SNAPC4: variants seen among roughly 807,000 people sequenced by gnomAD.
The protein encoded by SNAPC4 is snRNA-activating protein complex subunit 4.
In SNAPC4, 127 loss-of-function variants were observed where a neutral mutation model predicts 151.3. The observed-to-expected ratio is 0.84, with a 90% CI of 0.73 to 0.97. The LOEUF is 0.97. SNAPC4 is among the 50% of genes least tolerant of loss of function. The pLI is 0.00. For missense variants in SNAPC4, 2,186 were observed against 1,935.0 expected (o/e 1.13, Z -2.43); for synonymous variants, 1,002 against 824.4 (o/e 1.22, Z -3.69).
intron 14 of SNAPC4, 37 bp from the exon 15 acceptor site, chr9:136,384,069 A>C: frequency 6.4e-7 from 1 of 1,573,632 alleles, no homozygotes; most frequent in Non-Finnish European, 8.7e-7. Flanking sequence ...GCCTTCATCC[A>C]AAGATTCTTC....
rs763522768 is a variant in SNAPC4 at position 136,383,664 on chromosome 9, T to C, written c.1505A>G (p.Lys502Arg). Residue 502 changes from lysine to arginine, a missense_variant, in exon 16 of 24, where the codon AAG becomes AGG. Transcript: ENST00000684778. This position sits in a 1 kb window ranked among gnomAD's most constrained non-coding sequence, Gnocchi z 4.2. ...LSKWKIMMGK[K>R]QGLRRRRRRA... Reference sequence around the variant, plus strand: ...CCGCCGCCGCCTCCGGAGACCCTGCTTCTTCTGAGGGGAGGAAAGAGCTAC... The same window carrying C: ...CCGCCGCCGCCTCCGGAGACCCTGCCTCTTCTGAGGGGAGGAAAGAGCTAC... The C allele has an allele frequency of 3.1e-6, 5 of 1,601,784 alleles. No homozygotes were observed. The highest frequency in any genetic ancestry group is 4.3e-6 in the Non-Finnish European group (5 of 1,173,578).
In SNAPC4 at chr9:136,378,669, A is replaced by G; in HGVS notation, c.3158T>C (p.Leu1053Pro). Residue 1053 changes from leucine (L) to proline (P), a missense_variant, in exon 22 of 24, where the codon CTG becomes CCG. Leu to Pro is a moderately conservative substitution (Grantham distance 98, BLOSUM62 -3). Coordinates refer to ENST00000684778, the MANE Select transcript of SNAPC4 (RefSeq NM_003086.4). ...CGTCAGGCTGAGGGGCTGGACGGGC[A>G]GTGGGGTGGGGCTGGGGGCTGCGGG... ...FLPAAPSPTP[L>P]PVQPLSLTHI... The G allele has an allele frequency of 1.8e-6, 2 of 1,108,376 alleles. No homozygotes were observed. Among genetic ancestry groups the G allele is most frequent in the Non-Finnish European group, 2.4e-6 (2 of 834,502 alleles). The allele number at this position is 1,108,376 out of a possible 1,614,324, so 68.7% of individuals were successfully genotyped here.
intron 22 of SNAPC4, among the ~76,000 whole-genome samples, chr9:136,377,264 G>C (rs1319784903): frequency 6.6e-6 from 1 of 152,206 alleles, no homozygotes; most frequent in African/African-American, 2.4e-5. Context: ...GCTCAGACAA[G>C]GCCACCTGGC....
In SNAPC4 at chr9:136,395,714, G is replaced by A. The variant is rs1361930361; in HGVS notation, c.234C>T (p.Thr78=). The change falls in exon 4 of 24, where the codon ACC becomes ACT. Residue 78 remains threonine, a synonymous_variant. Transcript: ENST00000684778. ...SNDEDDPKDK[T]LPEDPETCLQ... ...GGCAGGTTTCTGGGTCTTCAGGGAG[G>A]GTTTTATCCTTGGGATCGTCCTCGT... 5 of 1,613,574 alleles carry A rather than the reference G, an allele frequency of 3.1e-6. No individual in the cohort carries two copies. The highest frequency in any genetic ancestry group is 2.2e-5 in the South Asian group (2 of 91,092).
intron 11 of SNAPC4, 114 bp downstream of exon 11, chr9:136,388,330 G>A: frequency 1.9e-6 from 2 of 1,066,438 alleles, no homozygotes; most frequent in Non-Finnish European, 2.7e-6. Flanking sequence ...AGCCAGGACT[G>A]TCTAAGCCCT....
In SNAPC4 at chr9:136,377,941, G is replaced by A. The variant is rs201774992; in HGVS notation, c.3886C>T (p.Leu1296Phe). ...LGGQRGVRVP[L>F]LGSRLPYQPP... ...TGATAGGGCAGTCTGCTGCCCAGAA[G>A]AGGCACACGCACCCCCCGCTGGCCC... The change falls in exon 22 of 24, where the codon CTT (leucine) becomes TTT (phenylalanine). Residue 1296 changes from leucine (L) to phenylalanine (F), a missense_variant. Coordinates refer to ENST00000684778, the MANE Select transcript of SNAPC4 (RefSeq NM_003086.4). 178 of 1,606,848 alleles carry A rather than the reference G, an allele frequency of 1.1e-4. 1 individual carries two copies. Among genetic ancestry groups the A allele is most frequent in the African/African-American group, 6.7e-5 (5 of 74,810 alleles).
chr9:136,398,094 G>C (rs915623919), intron 2 of SNAPC4, among the ~76,000 whole-genome samples: 2 of 152,066 alleles, frequency 1.3e-5, no homozygotes, highest in Admixed American at 6.5e-5. Context: ...TATTTTTAGA[G>C]ACAGGGTCTT....
rs1377225471 is a variant in SNAPC4, at chr9:136,378,870, G to T, written c.2957C>A (p.Ala986Asp). The T allele has an allele frequency of 2.5e-6, 4 of 1,610,698 alleles. No homozygotes were observed. In the South Asian group the frequency reaches 4.4e-5, roughly 18 times the overall value. Residue 986 changes from alanine to aspartate, a missense_variant, in exon 22 of 24, where the codon GCC becomes GAC. Physicochemically the swap from Ala to Asp is moderately radical, Grantham distance 126. Transcript: ENST00000684778. ...AKDKRLSTMQALPLAPVFSEA... is the reference protein window; with the variant it reads ...AKDKRLSTMQDLPLAPVFSEA... ...TGAGAAGACAGGAGCGAGGGGCAGG[G>T]CTTGCATGGTGGAGAGTCTCTTGTC... is the stretch of plus-strand genomic sequence containing the variant.
Position 136,392,752 on chromosome 9 carries a change from T to G in SNAPC4, c.658A>C (p.Ser220Arg). 1 of 1,613,504 alleles carries G rather than the reference T, an allele frequency of 6.2e-7. No individual in the cohort carries two copies. Among genetic ancestry groups the G allele is most frequent in the Non-Finnish European group, 8.5e-7 (1 of 1,179,998 alleles). ...LKLEYLHQKQ[S>R]KVSSELERQA... ...CTCTCCAGCTCACTGGAGACTTTGC[T>G]CTGCTTCTGGTGCAAGTACTCGAGC... The change falls in exon 8 of 24, where the codon AGC becomes CGC. Residue 220 changes from serine (S) to arginine (R), a missense_variant. Physicochemically the swap from Ser to Arg is moderately radical, Grantham distance 110 (BLOSUM62 -1). Transcript: ENST00000684778.
chr9:136,378,255 G>C lies in SNAPC4; in HGVS notation c.3572C>G (p.Ser1191Cys). The change falls in exon 22 of 24, where the codon TCC (serine) becomes TGC (cysteine). Residue 1191 changes from serine (S) to cysteine (C), a missense_variant. By Grantham distance (112) the Ser-to-Cys change is moderately radical. Coordinates refer to ENST00000684778, the MANE Select transcript of SNAPC4 (RefSeq NM_003086.4). ...AREIPEPRTSSHADPPEAEPP... is the reference protein window; with the variant it reads ...AREIPEPRTSCHADPPEAEPP... ...TTCTGCTTCAGGAGGGTCAGCGTGGGAGGACGTCCTGGGCTCAGGTATCTC... is the reference window on the plus strand; with the variant it reads ...TTCTGCTTCAGGAGGGTCAGCGTGGCAGGACGTCCTGGGCTCAGGTATCTC... 1 of 1,608,636 alleles carries C rather than the reference G, an allele frequency of 6.2e-7. No homozygotes were observed. Among genetic ancestry groups the C allele is most frequent in the Non-Finnish European group, 8.5e-7 (1 of 1,178,192 alleles).
rs548094456 is a variant in SNAPC4 at position 136,380,477 on chromosome 9, G to A, written c.2499+263C>T. Among the ~76,000 whole-genome samples, 76 of 152,312 alleles carry A rather than the reference G, an allele frequency of 5.0e-4. No homozygotes were observed. The East Asian group carries it at 8.7e-3, about 17-fold the overall frequency. On this transcript the variant is annotated intron_variant, in intron 20 of 23. Coordinates refer to ENST00000684778, the MANE Select transcript of SNAPC4 (RefSeq NM_003086.4). ...AGAAAGGCAAGAACCAGGCATCCCC[G>A]GCAGACAGCGCCCATGTCCATGACC...
intron 9 of SNAPC4, 113 bp downstream of exon 9, chr9:136,392,409 A>G (rs1834109952): frequency 9.1e-7 from 1 of 1,104,416 alleles, no homozygotes; most frequent in Admixed American, 1.7e-5. Context: ...GGGGGGTCAC[A>G]GCAGAACCTG....
intron 9 of SNAPC4, 92 bp downstream of exon 9, chr9:136,392,429 AG>A: frequency 4.1e-6 from 5 of 1,223,194 alleles, no homozygotes; most frequent in Non-Finnish European, 4.8e-6. Context: ...GTTGCCAGGG[AG>A]GGTGTGGCCT....
At position 136,384,779 on chromosome 9, in the gene SNAPC4, C is replaced by A. The variant is rs1380029763; in HGVS notation, c.1361G>T (p.Gly454Val). The A allele has an allele frequency of 6.3e-7, 1 of 1,597,830 alleles. No homozygotes were observed. The highest frequency in any genetic ancestry group is 8.5e-7 in the Non-Finnish European group (1 of 1,170,502). ...LRRLHFSLKK[G>V]RWNLKEEEQL... The stretch of plus-strand genomic sequence containing the variant: ...TTCCTCTTCTTTTAAATTCCACCGA[C>A]CCTTTTTCAAGCTGAAATGTAATCT... Residue 454 changes from glycine to valine, a missense_variant, in exon 14 of 24, where the codon GGT becomes GTT. Gly to Val is a moderately radical substitution (Grantham distance 109). Coordinates refer to ENST00000684778, the MANE Select transcript of SNAPC4 (RefSeq NM_003086.4).
Position 136,383,749 on chromosome 9 carries a change from G to T in SNAPC4, c.1501-81C>A. ...GGCAGCAAGCAGGCCAGCCCTTTGG[G>T]GAGAGGCCCAAGCGGGGGCGCCTCC... is the stretch of plus-strand genomic sequence containing the variant. On this transcript the variant is annotated intron_variant, in intron 15 of 23. Transcript: ENST00000684778. This position sits in a 1 kb window ranked among gnomAD's most constrained non-coding sequence, Gnocchi z 4.2. The T allele has an allele frequency of 6.5e-7, 1 of 1,535,188 alleles. No individual in the cohort carries two copies.
In SNAPC4 at chr9:136,377,864, C is replaced by T; in HGVS notation, c.3963G>A (p.Lys1321=). The change falls in exon 22 of 24, where the codon AAG becomes AAA. Residue 1321 remains lysine, a synonymous_variant. Transcript: ENST00000684778. ...LRALSGLLLH[K]KALEHKATSL... is the part of the protein sequence containing the mutation. Reference sequence around the variant, plus strand: ...AGGTGGCCTTGTGCTCCAGGGCCTTCTTGTGGAGTAGGAGACCGGACAGAG... The same window carrying T: ...AGGTGGCCTTGTGCTCCAGGGCCTTTTTGTGGAGTAGGAGACCGGACAGAG... 6.2e-7 allele frequency: 1 copy of T among 1,611,554 alleles called. No individual in the cohort carries two copies.
In SNAPC4 at chr9:136,378,770, G is replaced by A. The variant is rs1338646870; in HGVS notation, c.3057C>T (p.Pro1019=). ...CCTGAGACTGTCCGAGACCACTCTC[G>A]GGGCAGCTCACAGAGATCTGGCCGG... The part of the protein sequence containing the change: ...LGPGQISVSC[P]ESGLGQSQAP... The change falls in exon 22 of 24, where the codon CCC becomes CCT. Residue 1019 remains proline (P), a synonymous_variant. Coordinates refer to ENST00000684778, the MANE Select transcript of SNAPC4 (RefSeq NM_003086.4). 13 of 1,540,370 alleles carry A rather than the reference G, an allele frequency of 8.4e-6. No individual in the cohort carries two copies. Among genetic ancestry groups the A allele is most frequent in the South Asian group, 3.8e-5 (3 of 79,530 alleles).
At position 136,378,679 on chromosome 9, in the gene SNAPC4, G is replaced by T; in HGVS notation, c.3148C>A (p.Pro1050Thr). The T allele has an allele frequency of 6.7e-7, 1 of 1,502,210 alleles. No individual in the cohort carries two copies. Among genetic ancestry groups the T allele is most frequent in the Admixed American group, 2.2e-5 (1 of 44,542 alleles). The allele number at this position is 1,502,210 out of a possible 1,614,324, so 93.1% of individuals were successfully genotyped here. A position where few individuals can be genotyped will look rare whatever the true frequency, so the allele number is the denominator to read the frequency against. The change falls in exon 22 of 24, where the codon CCC becomes ACC. Residue 1050 changes from proline to threonine, a missense_variant. By Grantham distance (38) the Pro-to-Thr change is conservative (BLOSUM62 -1). Coordinates refer to ENST00000684778, the MANE Select transcript of SNAPC4 (RefSeq NM_003086.4). ...APPFLPAAPSPTPLPVQPLSL... is the reference protein window; with the variant it reads ...APPFLPAAPSTTPLPVQPLSL... ...AGGGGCTGGACGGGCAGTGGGGTGG[G>T]GCTGGGGGCTGCGGGGAGAAAGGGT...
At chr9:136,387,090 T>C (rs1276927935) in intron 13 of SNAPC4, among the ~76,000 whole-genome samples, 1 of 152,192 alleles carries the variant, frequency 6.6e-6, no homozygotes, top group Non-Finnish European at 1.5e-5. Context: ...GTGTGTGAAT[T>C]ATCTCAACGA....
Sources: allele counts gnomAD v4.1 joint callset (sites outside exome capture counted in the v4.1 genomes callset), GRCh38; gene constraint gnomAD v4.1.1; non-coding constraint Gnocchi (gnomAD v3.1); transcripts MANE v1.5; gene names NCBI Gene and HGNC (gene_info 2026-07-23, HGNC 2026-07-21).